Variants in DYSF observed in about 807,000 individuals in gnomAD.
DYSF encodes the protein dysferlin.
DYSF carries 212 observed loss-of-function variants against 274.9 expected under a neutral mutation model. The ratio of observed to expected loss-of-function variants is 0.77; its 90% CI spans 0.69 to 0.86. The LOEUF (loss-of-function observed/expected upper bound fraction) is 0.86, where lower values mean the gene tolerates loss of function less well. Among genes scored for constraint, DYSF ranks in the 40% least tolerant of loss-of-function variants. The pLI, the probability that DYSF is intolerant of heterozygous loss-of-function variation, is 0.00. For missense variants in DYSF, 2,666 were observed against 2,783.2 expected (o/e 0.96, Z 0.95); for synonymous variants, 1,091 against 1,078.7 (o/e 1.01, Z -0.22).
chr2:71,505,503 TG>T (rs1008475684), intron 4 of DYSF, among the ~76,000 whole-genome samples: 5 of 152,066 alleles, frequency 3.3e-5, no homozygotes, highest in African/African-American at 9.7e-5. Context: ...CTGAGAGGCG[TG>T]GGGGAGGCCG....
chr2:71,627,177 C>A (rs913960332), intron 41 of DYSF, among the ~76,000 whole-genome samples: 1 of 150,466 alleles, frequency 6.6e-6, no homozygotes, highest in African/African-American at 2.4e-5. Flanking sequence ...TTCTTTTCTT[C>A]CATTTTGGGG....
At chr2:71,543,425 C>CA (rs1254484184) in intron 17 of DYSF, among the ~76,000 whole-genome samples, 1 of 151,528 alleles carries the variant, frequency 6.6e-6, no homozygotes, top group African/African-American at 2.4e-5. Flanking sequence ...GATGGGCGGC[C>CA]AGGCAGAGAC....
At chr2:71,600,317 T>C (rs1217383115) in intron 33 of DYSF, among the ~76,000 whole-genome samples, 1 of 152,246 alleles carries the variant, frequency 6.6e-6, no homozygotes, top group Admixed American at 6.5e-5. Context: ...GAGCAGGAGA[T>C]ACAGAAGTCC....
At chr2:71,477,750 G>A (rs1234964794) in intron 1 of DYSF, among the ~76,000 whole-genome samples, 1 of 152,214 alleles carries the variant, frequency 6.6e-6, no homozygotes, top group Non-Finnish European at 1.5e-5. Flanking sequence ...AATGTTCATT[G>A]ATCTGGTTTC....
chr2:71,661,817 C>G (rs1483638776), intron 45 of DYSF, among the ~76,000 whole-genome samples: 2 of 152,164 alleles, frequency 1.3e-5, no homozygotes, highest in East Asian at 3.9e-4. Context: ...GCAGTGAGGA[C>G]CCAGTCTCCT....
chr2:71,686,380 G>A, intron 55 of DYSF, 74 bp from the exon 56 acceptor site: 4 of 1,585,090 alleles, frequency 2.5e-6, no homozygotes, highest in Non-Finnish European at 3.5e-6. Context: ...TGAGCCCCAG[G>A]TCTGGGACAG....
At chr2:71,534,955 T>A (rs1573807654) in intron 14 of DYSF, 66 bp from the exon 15 acceptor site, 1 of 1,557,192 alleles carries the variant, frequency 6.4e-7, no homozygotes, top group East Asian at 2.2e-5. Context: ...GGCTGGCATG[T>A]GGCCCCGGGG....
chr2:71,618,135 C>G (rs866254786), intron 40 of DYSF, among the ~76,000 whole-genome samples: 4 of 18,422 alleles, frequency 2.2e-4, no homozygotes, highest in Non-Finnish European at 4.0e-4. Flanking sequence ...GTAGAGGTGG[C>G]GTGTGTGGTA....
rs773059278 is a variant in DYSF at position 71,644,071 on chromosome 2, C to T, written c.4626+8C>T. ...GATTTTGACACCCTGAAGGTAAGGC[C>T]TCTCTTCAGTCTGACAGTCGGTGTG... On this transcript the variant is annotated splice_region_variant and intron_variant, in intron 42 of 55. Coordinates refer to ENST00000410020, the MANE Select transcript of DYSF (RefSeq NM_001130987.2). The T allele has an allele frequency of 1.9e-6, 3 of 1,605,124 alleles. No individual in the cohort carries two copies. The highest frequency in any genetic ancestry group is 2.6e-6 in the Non-Finnish European group (3 of 1,174,846).
chr2:71,622,155 C>T (rs1196836572), intron 41 of DYSF, among the ~76,000 whole-genome samples: 3 of 24,330 alleles, frequency 1.2e-4, no homozygotes, highest in Non-Finnish European at 5.6e-4. Context: ...TTGTTACGCC[C>T]AGGTACATCT....
intron 36 of DYSF, among the ~76,000 whole-genome samples, chr2:71,606,534 A>AGG (rs1464537518): frequency 2.0e-5 from 3 of 151,998 alleles, no homozygotes; most frequent in African/African-American, 7.3e-5. Flanking sequence ...ACTGTCCTGG[A>AGG]GAGGGGGTGC....
chr2:71,544,749 A>C (rs2090330044), intron 17 of DYSF, among the ~76,000 whole-genome samples: 1 of 152,180 alleles, frequency 6.6e-6, no homozygotes, highest in African/African-American at 2.4e-5. Flanking sequence ...TAAGCAAGAC[A>C]TTGTTAACTT....
rs377407750 is a variant in DYSF, at chr2:71,589,682, C to T, written c.3492C>T (p.Phe1164=). The part of the protein sequence containing the change: ...GVNRPTISCI[F]DYGNRYHLRC... ...ACAGACCCACGATTTCCTGCATATT[C>T]GACTGTAAGTGAGGCTTCGAGGCCT... is the stretch of plus-strand genomic sequence containing the variant. Residue 1164 remains phenylalanine (F), a synonymous_variant, in exon 31 of 56, where the codon TTC becomes TTT. Coordinates refer to ENST00000410020, the MANE Select transcript of DYSF (RefSeq NM_001130987.2). The T allele has an allele frequency of 9.3e-6, 15 of 1,613,818 alleles. No homozygotes were observed. Among genetic ancestry groups the T allele is most frequent in the African/African-American group, 4.0e-5 (3 of 74,904 alleles).
intron 18 of DYSF, 76 bp downstream of exon 18, chr2:71,551,232 G>C: frequency 6.7e-7 from 1 of 1,491,980 alleles, no homozygotes; most frequent in Non-Finnish European, 9.3e-7. Flanking sequence ...CTGCATGCAG[G>C]GTCTTCCAGC....
At chr2:71,456,451 G>A (rs1043393973) in intron 1 of DYSF, among the ~76,000 whole-genome samples, 1 of 152,138 alleles carries the variant, frequency 6.6e-6, no homozygotes, top group Non-Finnish European at 1.5e-5. Context: ...GGGTCAGCTT[G>A]GTGAATGATT....
chr2:71,542,580 G>C (rs981491942), intron 17 of DYSF, among the ~76,000 whole-genome samples: 12 of 152,200 alleles, frequency 7.9e-5, no homozygotes, highest in African/African-American at 2.2e-4. Flanking sequence ...TGACTCTTAT[G>C]GAGCATGCTG....
In DYSF at chr2:71,539,258, C is replaced by T; in HGVS notation, c.1576+19C>T. On this transcript the variant is annotated intron_variant, in intron 17 of 55. Coordinates refer to ENST00000410020, the MANE Select transcript of DYSF (RefSeq NM_001130987.2). Reference sequence around the variant, plus strand: ...ATAGAAGGTATGTTCCCTCTTCGTTCTGCCCTTTGACCCCCTGTGCTCTCC... The same window carrying T: ...ATAGAAGGTATGTTCCCTCTTCGTTTTGCCCTTTGACCCCCTGTGCTCTCC... The T allele has an allele frequency of 1.9e-6, 3 of 1,609,296 alleles. No homozygotes were observed. The highest frequency in any genetic ancestry group is 2.6e-6 in the Non-Finnish European group (3 of 1,175,682).
Position 71,515,829 on chromosome 2 carries a change from T to C in DYSF, c.888+78T>C. The C allele has an allele frequency of 3.1e-6, 5 of 1,599,406 alleles. No homozygotes were observed. In the South Asian group the frequency reaches 5.6e-5, roughly 18 times the overall value. ...AAGCCCAGTGCAGACACCTGGCAAT[T>C]CATTCAAGAGTGTTTACGTATGGCG... On this transcript the variant is annotated intron_variant, in intron 8 of 55. Transcript: ENST00000410020.
At chr2:71,456,440 A>G (rs1159396207) in intron 1 of DYSF, among the ~76,000 whole-genome samples, 1 of 152,126 alleles carries the variant, frequency 6.6e-6, no homozygotes, top group Non-Finnish European at 1.5e-5. Context: ...TCTCCCTGGC[A>G]GGGTCAGCTT....
Sources: allele counts gnomAD v4.1 joint callset (sites outside exome capture counted in the v4.1 genomes callset), GRCh38; gene constraint gnomAD v4.1.1; transcripts MANE v1.5; gene names NCBI Gene and HGNC (gene_info 2026-07-23, HGNC 2026-07-21).